Variants in PNPT1 observed in about 807,000 individuals in gnomAD.
PNPT1 encodes the protein polyribonucleotide nucleotidyltransferase 1, mitochondrial.
A neutral mutation model predicts 119.5 loss-of-function variants in PNPT1; 53 were observed. The ratio of observed to expected loss-of-function variants is 0.44; its 90% CI spans 0.36 to 0.56. The LOEUF is 0.56. Ranked by LOEUF, PNPT1 falls within the 20% of genes least tolerant of loss-of-function variation. The probability of loss-of-function intolerance (pLI) is 0.00; values close to 1 mark genes in which losing one functional copy is unlikely to be tolerated. For synonymous variants in PNPT1, 357 were observed against 322.1 expected (o/e 1.11, Z -1.16); for missense variants, 948 against 938.5 (o/e 1.01, Z -0.13).
intron 1 of PNPT1, among the ~76,000 whole-genome samples, chr2:55,690,774 A>G (rs1241007234): frequency 2.0e-5 from 3 of 152,196 alleles, no homozygotes; most frequent in Non-Finnish European, 1.5e-5. Context: ...TATAATGATG[A>G]AAGCCTACAA....
At position 55,644,694 on chromosome 2, in the gene PNPT1, G is replaced by C. The variant is rs992877769; in HGVS notation, c.1849C>G (p.Arg617Gly). 1.2e-6 allele frequency: 2 copies of C among 1,611,576 alleles called. No homozygotes were observed. The highest frequency in any genetic ancestry group is 2.2e-5 in the East Asian group (1 of 44,722). ...CCACCAGGTCCAACAAATTTTGCTC[G>C]TTTTGATAATGGAACCTGAACAGTT... ...VETVQVPLSKRAKFVGPGGYN... is the reference protein window; with the variant it reads ...VETVQVPLSKGAKFVGPGGYN... Residue 617 changes from arginine (R) to glycine (G), a missense_variant, in exon 23 of 28, where the codon CGA becomes GGA. Coordinates refer to ENST00000447944, the MANE Select transcript of PNPT1 (RefSeq NM_033109.5).
At chr2:55,683,071 T>C (rs1223030638) in intron 5 of PNPT1, among the ~76,000 whole-genome samples, 3 of 152,192 alleles carry the variant, frequency 2.0e-5, no homozygotes, top group African/African-American at 7.2e-5. Flanking sequence ...TATTAAAATA[T>C]AATAAAGTAG....
intron 4 of PNPT1, among the ~76,000 whole-genome samples, chr2:55,684,388 C>T (rs115979444): frequency 0.027 from 4,108 of 152,050 alleles, 93 homozygotes; most frequent in Non-Finnish European, 0.039. Flanking sequence ...CACTTGAACC[C>T]GGGAGGTAGA....
chr2:55,648,757 A>T (rs1040898214), intron 18 of PNPT1, among the ~76,000 whole-genome samples: 2 of 152,108 alleles, frequency 1.3e-5, no homozygotes, highest in African/African-American at 4.8e-5. Context: ...CATATAAATA[A>T]AATATTTTAT....
chr2:55,664,030 T>C (rs1696660363), intron 13 of PNPT1, among the ~76,000 whole-genome samples: 1 of 152,100 alleles, frequency 6.6e-6, no homozygotes, highest in Non-Finnish European at 1.5e-5. Flanking sequence ...GGAAGTCTTG[T>C]CAGAATGAAG....
Position 55,675,921 on chromosome 2 carries a change from A to G in PNPT1, c.680-2842T>C, listed in dbSNP as rs118001079. ...CCTTCACTGCAGAGTTCTACTGGAC[A>G]ACACTGCTATCGATGCTAAAAATTT... On this transcript the variant is annotated intron_variant, in intron 8 of 27. Transcript: ENST00000447944. Among the ~76,000 whole-genome samples the G allele has an allele frequency of 2.8e-3, 427 of 152,314 alleles. 8 individuals are homozygous for G. The East Asian group carries it at 0.046, about 16-fold the overall frequency.
rs1178892249 is a variant in PNPT1 at position 55,635,160 on chromosome 2, G to C, written c.*1077C>G. 6.6e-6 allele frequency: 1 copy of C among 152,134 alleles called. No homozygotes were observed. The highest frequency in any genetic ancestry group is 1.5e-5 in the Non-Finnish European group (1 of 68,034). The allele number at this position is 152,134 out of a possible 1,614,324, so 9.4% of individuals were successfully genotyped here. ...AGGTGATATTTTAAATGATGGGAAT[G>C]AACAACTTGACATGTGTATCAGTAA... On this transcript the variant is annotated 3_prime_UTR_variant, in exon 28 of 28. Transcript: ENST00000447944.
intron 3 of PNPT1, 21 bp downstream of exon 3, chr2:55,686,349 G>A (rs1337481811): frequency 1.9e-6 from 3 of 1,586,940 alleles, no homozygotes; most frequent in Non-Finnish European, 2.6e-6. Flanking sequence ...TTACAGTTCA[G>A]ATAAATCAGC....
intron 2 of PNPT1, among the ~76,000 whole-genome samples, chr2:55,687,070 T>C (rs1449454033): frequency 1.3e-5 from 2 of 151,686 alleles, no homozygotes; most frequent in Admixed American, 1.3e-4. Flanking sequence ...AAAAATTAGC[T>C]GGGCGTGGTG....
chr2:55,687,741 A>G (rs1697458928), intron 1 of PNPT1, 36 bp from the exon 2 acceptor site: 1 of 1,490,044 alleles, frequency 6.7e-7, no homozygotes, highest in Non-Finnish European at 9.2e-7. Flanking sequence ...AAGAAGACTT[A>G]GGTCATCTGT....
At chr2:55,687,604 A>T (rs374765866) in intron 2 of PNPT1, 41 bp downstream of exon 2, 16 of 1,472,732 alleles carry the variant, frequency 1.1e-5, no homozygotes, top group Non-Finnish European at 1.5e-5. Flanking sequence ...GAGTCTCCGT[A>T]ACCATTTTTA....
chr2:55,691,866 ATATATATATATATTTTTTT>A (rs1455715132), intron 1 of PNPT1, among the ~76,000 whole-genome samples: 1,104 of 77,178 alleles, frequency 0.014, 9 homozygotes, highest in Non-Finnish European at 0.018. Context: ...ATATATATAT[ATATATATATATATTTTTTT>A]TTTTTTTTTT....
At chr2:55,674,257 C>T (rs553030743) in intron 8 of PNPT1, among the ~76,000 whole-genome samples, 3 of 152,100 alleles carry the variant, frequency 2.0e-5, no homozygotes, top group Admixed American at 6.5e-5. Flanking sequence ...GAGAAGACAT[C>T]GTGGACTGTT....
chr2:55,651,722 T>C (rs1696209631), intron 18 of PNPT1, among the ~76,000 whole-genome samples: 1 of 148,262 alleles, frequency 6.7e-6, no homozygotes, highest in African/African-American at 2.5e-5. Flanking sequence ...ACTATTGTCC[T>C]GTGACCCTGC....
intron 5 of PNPT1, 31 bp from the exon 6 acceptor site, chr2:55,680,949 G>A: frequency 6.3e-7 from 1 of 1,578,128 alleles, no homozygotes; most frequent in Non-Finnish European, 8.7e-7. Flanking sequence ...TGATTTGGAA[G>A]GGTTATCATT....
At chr2:55,677,703 A>G (rs1158045128) in intron 8 of PNPT1, among the ~76,000 whole-genome samples, 2 of 151,180 alleles carry the variant, frequency 1.3e-5, no homozygotes, top group Non-Finnish European at 2.9e-5. Flanking sequence ...TATATGACCA[A>G]TTAGCAGCAG....
Position 55,686,381 on chromosome 2 carries a change from T to G in PNPT1, c.286A>C (p.Met96Leu). The change falls in exon 3 of 28, where the codon ATG (methionine) becomes CTG (leucine). Residue 96 changes from methionine (M) to leucine (L), a missense_variant. By Grantham distance (15) the Met-to-Leu change is conservative (BLOSUM62 2). Coordinates refer to ENST00000447944, the MANE Select transcript of PNPT1 (RefSeq NM_033109.5). ...SKTKPSPSQF[M>L]PLVVDYRQKA... ...CAGCAAATACTTACCACCAAAGGCA[T>G]AAACTGGGAAGGGGAAGGTTTTGTT... is the stretch of plus-strand genomic sequence containing the variant. 1 of 1,612,062 alleles carries G rather than the reference T, an allele frequency of 6.2e-7. No homozygotes were observed. The highest frequency in any genetic ancestry group is 8.5e-7 in the Non-Finnish European group (1 of 1,178,176).
chr2:55,640,093 G>A (rs1248035523), intron 26 of PNPT1, among the ~76,000 whole-genome samples: 2 of 151,710 alleles, frequency 1.3e-5, no homozygotes, highest in African/African-American at 4.8e-5. Context: ...TCTATTTCTG[G>A]GCCGGTAATA....
At chr2:55,692,153 C>T (rs1252444654) in intron 1 of PNPT1, among the ~76,000 whole-genome samples, 3 of 151,652 alleles carry the variant, frequency 2.0e-5, no homozygotes, top group African/African-American at 7.3e-5. Context: ...CCAAAGTGCT[C>T]GGATTACAGG....
Sources: allele counts gnomAD v4.1 joint callset (sites outside exome capture counted in the v4.1 genomes callset), GRCh38; gene constraint gnomAD v4.1.1; transcripts MANE v1.5; gene names NCBI Gene and HGNC (gene_info 2026-07-23, HGNC 2026-07-21).